KDM1A: variants seen among roughly 807,000 people sequenced by gnomAD.
The protein encoded by KDM1A is lysine-specific histone demethylase 1A.
In KDM1A, 49 loss-of-function variants were observed where a neutral mutation model predicts 109.4. That is an observed-to-expected ratio of 0.45 (90% CI 0.36 to 0.57). KDM1A has a LOEUF of 0.57. Among genes scored for constraint, KDM1A ranks in the 20% least tolerant of loss-of-function variants. KDM1A has a pLI of 0.00. For synonymous variants in KDM1A, 380 were observed against 415.4 expected (o/e 0.91, Z 1.04); for missense variants, 668 against 1,116.6 (o/e 0.60, Z 5.73).
At chr1:23,070,474 G>GAA (rs879802757) in intron 12 of KDM1A, among the ~76,000 whole-genome samples, 1 of 128,252 alleles carries the variant, frequency 7.8e-6, no homozygotes, top group Non-Finnish European at 1.7e-5. Context: ...GTGTCTCTTA[G>GAA]AAAAAAAAAA....
intron 9 of KDM1A, among the ~76,000 whole-genome samples, chr1:23,060,499 G>C (rs765712382): frequency 6.6e-5 from 10 of 152,162 alleles, no homozygotes; most frequent in Non-Finnish European, 1.5e-4. Flanking sequence ...CCAAGGATTA[G>C]ATAGAAGAAC....
chr1:23,030,353 GCTTA>G, intron 1 of KDM1A, 112 bp from the exon 2 acceptor site: 1 of 724,492 alleles, frequency 1.4e-6, no homozygotes, highest in Non-Finnish European at 2.1e-6. Context: ...CTTGTTGTAT[GCTTA>G]CTTCCCTTAA....
At chr1:23,053,911 T>C (rs1642748046) in intron 5 of KDM1A, 72 bp downstream of exon 5, 5 of 807,982 alleles carry the variant, frequency 6.2e-6, no homozygotes, top group Non-Finnish European at 1.1e-5. Context: ...AGGAGCCTCA[T>C]GGTTCCTTGA....
chr1:23,065,964 G>A, intron 9 of KDM1A, 96 bp from the exon 10 acceptor site: 2 of 1,551,952 alleles, frequency 1.3e-6, no homozygotes, highest in Non-Finnish European at 1.7e-6. Flanking sequence ...TGTGTTTAAA[G>A]CCTTGATTTT....
At chr1:23,064,296 C>T (rs992530954) in intron 9 of KDM1A, among the ~76,000 whole-genome samples, 5 of 152,218 alleles carry the variant, frequency 3.3e-5, no homozygotes, top group South Asian at 2.1e-4. Flanking sequence ...ATTAGAGACT[C>T]TTCAGAAGTA....
chr1:23,050,906 A>G (rs1642649571), intron 4 of KDM1A, among the ~76,000 whole-genome samples: 1 of 152,078 alleles, frequency 6.6e-6, no homozygotes, highest in African/African-American at 2.4e-5. Context: ...CCAACATGGC[A>G]AAACCCTTTC....
Position 23,023,579 on chromosome 1 carries a change from A to G in KDM1A, c.351+3632A>G, listed in dbSNP as rs140692401. ...ATATTTCCGTCCATTCCAGTACCAC[A>G]CTATCCTGATTACTTTAGTTTCATA... On this transcript the variant is annotated intron_variant, in intron 1 of 20. Transcript: ENST00000400181. Among the ~76,000 whole-genome samples, 408 of 152,298 alleles carry G rather than the reference A, an allele frequency of 2.7e-3. 4 individuals carry two copies. Among genetic ancestry groups the G allele is most frequent in the African/African-American group, 9.1e-3 (378 of 41,556 alleles).
chr1:23,056,955 T>C (rs1045904168), intron 7 of KDM1A, among the ~76,000 whole-genome samples: 7 of 152,062 alleles, frequency 4.6e-5, no homozygotes, highest in African/African-American at 1.7e-4. Context: ...GTGAACAGGC[T>C]ATGTTCAGTA....
intron 5 of KDM1A, 40 bp from the exon 6 acceptor site, chr1:23,055,029 C>A: frequency 7.8e-7 from 1 of 1,287,068 alleles, no homozygotes; most frequent in Non-Finnish European, 1.1e-6. Context: ...GTTTAAACTG[C>A]TGAAAATAAA....
At chr1:23,058,971 C>A in intron 8 of KDM1A, 102 bp from the exon 9 acceptor site, 3 of 637,296 alleles carry the variant, frequency 4.7e-6, no homozygotes, top group Non-Finnish European at 7.4e-6. Flanking sequence ...ATACTGTAAG[C>A]TTTTGAGCTT....
intron 15 of KDM1A, among the ~76,000 whole-genome samples, chr1:23,074,142 T>G (rs1643397978): frequency 6.6e-6 from 1 of 152,242 alleles, no homozygotes; most frequent in African/African-American, 2.4e-5. Context: ...GTTTTTAAAA[T>G]GTCAGCCATT....
intron 1 of KDM1A, among the ~76,000 whole-genome samples, chr1:23,023,348 C>G (rs960681985): frequency 2.0e-5 from 3 of 152,080 alleles, no homozygotes; most frequent in African/African-American, 7.2e-5. Flanking sequence ...AGTTTTAGCT[C>G]TTGCATTTAT....
chr1:23,083,377 C>A lies in KDM1A; in HGVS notation c.*13C>A. 1 of 1,604,092 alleles carries A rather than the reference C, an allele frequency of 6.2e-7. No individual in the cohort carries two copies. Among genetic ancestry groups the A allele is most frequent in the Non-Finnish European group, 8.5e-7 (1 of 1,173,576 alleles). On this transcript the variant is annotated 3_prime_UTR_variant, in exon 21 of 21. Coordinates refer to ENST00000400181, the MANE Select transcript of KDM1A (RefSeq NM_001009999.3). ...CCCAAGCATGTGAGACAGATGCATT[C>A]TAAGGGAAGAGGCCCATGTGCCTGT... is the stretch of plus-strand genomic sequence containing the variant.
At chr1:23,074,891 C>T (rs1169460863) in intron 15 of KDM1A, among the ~76,000 whole-genome samples, 3 of 152,186 alleles carry the variant, frequency 2.0e-5, no homozygotes, top group African/African-American at 4.8e-5. Flanking sequence ...ATTTATCTGT[C>T]TATCCATATG....
chr1:23,047,448 TCAC>T (rs1642534379), intron 3 of KDM1A, among the ~76,000 whole-genome samples: 1 of 152,222 alleles, frequency 6.6e-6, no homozygotes, highest in Non-Finnish European at 1.5e-5. Context: ...TACATTAATG[TCAC>T]CACATTTAGT....
chr1:23,023,279 C>G (rs1641696220), intron 1 of KDM1A, among the ~76,000 whole-genome samples: 1 of 152,130 alleles, frequency 6.6e-6, no homozygotes, highest in Non-Finnish European at 1.5e-5. Flanking sequence ...ATCTAATAAA[C>G]CATTGCCTTA....
At chr1:23,075,180 G>A (rs1029946427) in intron 15 of KDM1A, among the ~76,000 whole-genome samples, 1 of 152,214 alleles carries the variant, frequency 6.6e-6, no homozygotes, top group Non-Finnish European at 1.5e-5. Context: ...ATAGTTCTCA[G>A]TGAGCAGGGC....
At chr1:23,033,515 G>A (rs573269748) in intron 2 of KDM1A, among the ~76,000 whole-genome samples, 28 of 151,852 alleles carry the variant, frequency 1.8e-4, no homozygotes, top group Non-Finnish European at 3.5e-4. Context: ...GCAAGACTCC[G>A]CCTTAAAAAA....
At chr1:23,063,611 T>C (rs1400777117) in intron 9 of KDM1A, among the ~76,000 whole-genome samples, 4 of 152,196 alleles carry the variant, frequency 2.6e-5, no homozygotes, top group Non-Finnish European at 5.9e-5. Flanking sequence ...AATGTAAAAA[T>C]CTCATGCCTT....
Sources: allele counts gnomAD v4.1 joint callset (sites outside exome capture counted in the v4.1 genomes callset), GRCh38; gene constraint gnomAD v4.1.1; transcripts MANE v1.5; gene names NCBI Gene and HGNC (gene_info 2026-07-23, HGNC 2026-07-21).